Variants in IQGAP3 observed in about 807,000 individuals in gnomAD.
The protein encoded by IQGAP3 is IQ motif containing GTPase activating protein 3.
A neutral mutation model predicts 208.2 loss-of-function variants in IQGAP3; 165 were observed. That is an observed-to-expected ratio of 0.79 (90% confidence interval 0.70 to 0.90). IQGAP3 has a LOEUF of 0.90. Among genes scored for constraint, IQGAP3 ranks in the 40% least tolerant of loss-of-function variants. The pLI, the probability that IQGAP3 is intolerant of heterozygous loss-of-function variation, is 0.00. For synonymous variants in IQGAP3, 703 were observed against 803.6 expected, an observed-to-expected ratio of 0.87 and a Z score of 2.12; for missense variants, 1,811 against 2,043.1, an observed-to-expected ratio of 0.89 and a Z score of 2.19.
chr1:156,569,784 G>A (rs12136354), intron 1 of IQGAP3, among the ~76,000 whole-genome samples: 38,819 of 151,944 alleles, frequency 0.26, 5,532 homozygotes, highest in East Asian at 0.53. Flanking sequence ...CTCCCAAAGT[G>A]CTGGCATTAC....
chr1:156,541,392 T>A (rs1445581058), intron 22 of IQGAP3, among the ~76,000 whole-genome samples: 2 of 152,112 alleles, frequency 1.3e-5, no homozygotes, highest in African/African-American at 4.8e-5. Context: ...GAAGGACAGG[T>A]AGACGGGATG....
rs1553222065 is a variant in IQGAP3 at position 156,530,209 on chromosome 1, C to A, written c.4300G>T (p.Ala1434Ser). Residue 1434 changes from alanine (A) to serine (S), a missense_variant, in exon 34 of 38, where the codon GCA becomes TCA. Coordinates refer to ENST00000361170, the MANE Select transcript of IQGAP3 (RefSeq NM_178229.5). ...CGCAGGACGCGCCGCTGCTTCTCTG[C>A]CAGTGGCAGGAGGGAGTGAGCTGTC... ...SLTAHSLLPL[A>S]EKQRRVLRNL... 2 of 1,613,364 alleles carry A rather than the reference C, an allele frequency of 1.2e-6. No homozygotes were observed. The highest frequency in any genetic ancestry group is 3.3e-5 in the Admixed American group (2 of 59,918).
At chr1:156,554,446 C>T in intron 12 of IQGAP3, 54 bp from the exon 13 acceptor site, 1 of 1,497,596 alleles carries the variant, frequency 6.7e-7, no homozygotes. Context: ...GGTCTAAAGG[C>T]CTATTCACCA....
chr1:156,544,105 T>G (rs1199123346), intron 21 of IQGAP3, 47 bp downstream of exon 21: 5 of 1,612,994 alleles, frequency 3.1e-6, no homozygotes, highest in Non-Finnish European at 4.2e-6. Context: ...TCTAGTCTCA[T>G]GGGCAAAGGT....
chr1:156,545,658 C>G (rs1219600685), intron 19 of IQGAP3, among the ~76,000 whole-genome samples: 1 of 152,040 alleles, frequency 6.6e-6, no homozygotes, highest in Non-Finnish European at 1.5e-5. Flanking sequence ...TGTCACCATG[C>G]CTGATTACTT....
intron 16 of IQGAP3, among the ~76,000 whole-genome samples, 190 bp from the exon 17 acceptor site, chr1:156,548,938 G>A (rs113025938): frequency 0.013 from 2,014 of 152,356 alleles, 20 homozygotes; most frequent in African/African-American, 0.027. Context: ...TGTGCTTGGA[G>A]GGAAAGGCAG....
chr1:156,566,859 T>C (rs886576136), intron 2 of IQGAP3, among the ~76,000 whole-genome samples: 7 of 148,252 alleles, frequency 4.7e-5, no homozygotes, highest in Non-Finnish European at 7.5e-5. Flanking sequence ...TCTAGTTACA[T>C]GCTTTTTTTT....
chr1:156,537,783 C>T (rs1396921126), intron 26 of IQGAP3, among the ~76,000 whole-genome samples: 1 of 152,126 alleles, frequency 6.6e-6, no homozygotes, highest in African/African-American at 2.4e-5. Context: ...TGACCCCAGG[C>T]TATAAGGGCA....
At position 156,561,825 on chromosome 1, in the gene IQGAP3, G is replaced by A. The variant is rs1185902290; in HGVS notation, c.1041+13C>T. On this transcript the variant is annotated intron_variant, in intron 10 of 37. Coordinates refer to ENST00000361170, the MANE Select transcript of IQGAP3 (RefSeq NM_178229.5). ...CACATACAGGGGGTGGCAGGTAATA[G>A]ACAGAGGCTAACCTGTGCCTTCTGC... 6.2e-7 allele frequency: 1 copy of A among 1,613,416 alleles called. No individual in the cohort carries two copies. The highest frequency in any genetic ancestry group is 8.5e-7 in the Non-Finnish European group (1 of 1,179,594).
Position 156,563,582 on chromosome 1 carries a change from G to A in IQGAP3, c.590C>T (p.Ala197Val), listed in dbSNP as rs1217187114. ...PAFSKIGGIL[A>V]NELSVDEAAV... Reference sequence around the variant, plus strand: ...AGCCTCATCCACCGAGAGCTCATTGGCCAAGATGCCCCCGATCTTGCTGAA... The same window carrying A: ...AGCCTCATCCACCGAGAGCTCATTGACCAAGATGCCCCCGATCTTGCTGAA... The change falls in exon 7 of 38, where the codon GCC (alanine) becomes GTC (valine). Residue 197 changes from alanine (A) to valine (V), a missense_variant. Ala to Val is a moderately conservative substitution (Grantham distance 64, BLOSUM62 0). Coordinates refer to ENST00000361170, the MANE Select transcript of IQGAP3 (RefSeq NM_178229.5). The A allele has an allele frequency of 6.2e-7, 1 of 1,613,698 alleles. No homozygotes were observed. The highest frequency in any genetic ancestry group is 1.1e-5 in the South Asian group (1 of 90,998).
Position 156,539,974 on chromosome 1 carries a change from C to T in IQGAP3, c.2756G>A (p.Cys919Tyr), listed in dbSNP as rs1045630160. The T allele has an allele frequency of 1.2e-6, 2 of 1,614,112 alleles. No individual in the cohort carries two copies. The highest frequency in any genetic ancestry group is 1.7e-6 in the Non-Finnish European group (2 of 1,180,030). The change falls in exon 24 of 38, where the codon TGC becomes TAC. Residue 919 changes from cysteine to tyrosine, a missense_variant. By Grantham distance (194) the Cys-to-Tyr change is radical. Transcript: ENST00000361170. ...RITLQEVVSHCKKLTKRNKEQ... is the reference protein window; with the variant it reads ...RITLQEVVSHYKKLTKRNKEQ... ...CTTATTCCTCTTGGTCAGCTTCTTG[C>T]AGTGGGAGACCACTTCCTGCAGGGG...
At chr1:156,532,840 A>C (rs891488417) in intron 32 of IQGAP3, 140 bp downstream of exon 32, 123 of 809,070 alleles carry the variant, frequency 1.5e-4, no homozygotes, top group Non-Finnish European at 1.7e-4. Context: ...AGGGGAATAA[A>C]GGTAGGCTTC....
chr1:156,568,126 T>C (rs1054356356), intron 2 of IQGAP3, among the ~76,000 whole-genome samples: 4 of 152,204 alleles, frequency 2.6e-5, no homozygotes, highest in Admixed American at 6.5e-5. Context: ...TTTAGATATA[T>C]GTATTGCAGT....
intron 22 of IQGAP3, among the ~76,000 whole-genome samples, chr1:156,541,293 GCTC>G (rs199614479): frequency 3.3e-5 from 5 of 151,132 alleles, no homozygotes; most frequent in Admixed American, 6.6e-5. Flanking sequence ...GGGCCAACCT[GCTC>G]CTCCTCCTCC....
intron 19 of IQGAP3, among the ~76,000 whole-genome samples, 172 bp downstream of exon 19, chr1:156,547,901 G>C (rs927994668): frequency 6.6e-6 from 1 of 152,192 alleles, no homozygotes; most frequent in East Asian, 1.9e-4. Context: ...GCTAAGAGGT[G>C]GTAGAGCTGG....
chr1:156,549,811 T>C (rs922407008), intron 16 of IQGAP3, among the ~76,000 whole-genome samples: 96 of 152,196 alleles, frequency 6.3e-4, no homozygotes, highest in Middle Eastern at 3.4e-3. Flanking sequence ...GCACCAAACA[T>C]CAGCACACCC....
intron 16 of IQGAP3, among the ~76,000 whole-genome samples, chr1:156,549,634 T>C (rs1034482508): frequency 7.2e-5 from 11 of 152,018 alleles, no homozygotes; most frequent in African/African-American, 2.7e-4. Context: ...TAAGACCCTG[T>C]CTTAAAAAAG....
Position 156,548,135 on chromosome 1 carries a change from G to C in IQGAP3, c.2242C>G (p.Gln748Glu), listed in dbSNP as rs146588513. The C allele has an allele frequency of 4.8e-5, 78 of 1,613,960 alleles. No homozygotes were observed. The African/African-American group carries it at 1.0e-3, about 21-fold the overall frequency. Reference protein sequence around the residue: ...QARLRGFLVRQKFAEHSHFLR... With the variant: ...QARLRGFLVREKFAEHSHFLR... The stretch of plus-strand genomic sequence containing the variant: ...AAGTGGGAATGCTCAGCAAACTTCT[G>C]CCGAACTAGGAAGCCACGGAGGCGG... Residue 748 changes from glutamine to glutamate, a missense_variant, in exon 19 of 38, where the codon CAG (glutamine) becomes GAG (glutamate). Physicochemically the swap from Gln to Glu is conservative, Grantham distance 29. Transcript: ENST00000361170.
At chr1:156,551,670 GCT>G (rs765848645) in intron 15 of IQGAP3, 33 bp downstream of exon 15, 32 of 1,583,318 alleles carry the variant, frequency 2.0e-5, no homozygotes, top group African/African-American at 2.7e-5. Flanking sequence ...TGTTCTTCCT[GCT>G]CTGATGACCA....
Sources: allele counts gnomAD v4.1 joint callset (sites outside exome capture counted in the v4.1 genomes callset), GRCh38; gene constraint gnomAD v4.1.1; transcripts MANE v1.5; gene names NCBI Gene and HGNC (gene_info 2026-07-23, HGNC 2026-07-21).